Variants in KLRC1 observed in about 807,000 individuals in gnomAD.
KLRC1 encodes the protein killer cell lectin like receptor C1.
A neutral mutation model predicts 25.9 loss-of-function variants in KLRC1; 22 were observed. That is an observed-to-expected ratio of 0.85 (90% CI 0.61 to 1.21). KLRC1 has a LOEUF of 1.21. KLRC1 is among the 50% of genes most tolerant of loss of function. KLRC1 has a pLI of 0.00. For missense variants in KLRC1, 240 were observed against 272.2 expected, an observed-to-expected ratio of 0.88 and a Z score of 0.83; for synonymous variants, 77 against 93.1, an observed-to-expected ratio of 0.83 and a Z score of 0.99.
chr12:10,451,223 TTA>T (rs1304621480), intron 1 of KLRC1, 36 bp from the exon 2 acceptor site: 6 of 1,339,534 alleles, frequency 4.5e-6, no homozygotes, highest in Non-Finnish European at 6.0e-6. Flanking sequence ...AATAAATGGT[TTA>T]TATACAGGAT....
At chr12:10,444,744 A>C (rs983558887), downstream of KLRC1, among the ~76,000 whole-genome samples, 4 of 152,134 alleles carry the variant, frequency 2.6e-5, no homozygotes, top group Admixed American at 2.6e-4. Flanking sequence ...AAAATAAAGC[A>C]GTACGCTCAA....
chr12:10,447,695 A>G (rs1459748744), intron 5 of KLRC1, 63 bp from the exon 6 acceptor site: 2 of 1,372,262 alleles, frequency 1.5e-6, no homozygotes, highest in Admixed American at 4.4e-5. Context: ...AAAACAATAT[A>G]TTAAATTTGA....
downstream of KLRC1, among the ~76,000 whole-genome samples, chr12:10,445,181 G>A (rs1863961116): frequency 6.6e-6 from 1 of 151,970 alleles, no homozygotes. Context: ...GTCTCCCAAA[G>A]TGCTGGGATT....
intron 6 of KLRC1, 27 bp downstream of exon 6, chr12:10,447,505 T>TA: frequency 6.7e-7 from 1 of 1,499,616 alleles, no homozygotes; most frequent in Non-Finnish European, 9.2e-7. Context: ...TATATATTGT[T>TA]ATATAGCGCC....
downstream of KLRC1, among the ~76,000 whole-genome samples, chr12:10,444,955 C>G (rs1213595485): frequency 2.3e-5 from 3 of 129,684 alleles, no homozygotes; most frequent in South Asian, 4.9e-4. Flanking sequence ...GAGTCTCCCT[C>G]TGTCGCCAGG....
chr12:10,447,040 A>G (rs1162256015), intron 6 of KLRC1, among the ~76,000 whole-genome samples: 1 of 152,228 alleles, frequency 6.6e-6, no homozygotes, highest in Non-Finnish European at 1.5e-5. Context: ...TGCTTTGAGG[A>G]TATTCTTAAG....
downstream of KLRC1, among the ~76,000 whole-genome samples, chr12:10,443,007 G>A (rs61917689): frequency 0.19 from 20,034 of 102,952 alleles, 3,422 homozygotes; most frequent in Non-Finnish European, 0.27. Flanking sequence ...ATAGTGGAAG[G>A]GTAGTAGTAG....
downstream of KLRC1, among the ~76,000 whole-genome samples, chr12:10,443,211 C>CAA (rs1863933749): frequency 2.1e-5 from 3 of 141,494 alleles, 1 homozygote; most frequent in Non-Finnish European, 4.6e-5. Context: ...ACCATTTTTA[C>CAA]ATGATGTCAT....
intron 4 of KLRC1, 22 bp from the exon 5 acceptor site, chr12:10,449,410 T>C: frequency 6.2e-7 from 1 of 1,600,614 alleles, no homozygotes; most frequent in Non-Finnish European, 8.5e-7. Context: ...TATGAATTAC[T>C]ATCTAGACCA....
rs1863977131 is a variant in KLRC1 at position 10,446,029 on chromosome 12, T to G, written c.*522A>C. ...GTCACAAATAATCCCAGGAGAGGCTTTTTTTTTTTTTCTGGATAGCTTTAT... is the reference window on the plus strand; with the variant it reads ...GTCACAAATAATCCCAGGAGAGGCTGTTTTTTTTTTTCTGGATAGCTTTAT... On this transcript the variant is annotated 3_prime_UTR_variant, in exon 7 of 7. Coordinates refer to ENST00000359151, the MANE Select transcript of KLRC1 (RefSeq NM_002259.5). 8.1e-6 allele frequency: 1 copy of G among 122,878 alleles called. No individual in the cohort carries two copies. The highest frequency in any genetic ancestry group is 1.5e-5 in the Non-Finnish European group (1 of 66,066). 7.6% of individuals were successfully genotyped at this position (122,878 alleles called of 1,614,324 possible).
downstream of KLRC1, among the ~76,000 whole-genome samples, chr12:10,443,308 A>C (rs1452319565): frequency 7.1e-6 from 1 of 140,652 alleles, no homozygotes; most frequent in Non-Finnish European, 1.6e-5. Context: ...ATTAAAATTA[A>C]AATATTTAAA....
downstream of KLRC1, chr12:10,445,881 C>T (rs1349586275): frequency 6.6e-6 from 1 of 151,854 alleles, no homozygotes; most frequent in Admixed American, 6.6e-5. Context: ...CCCCAAAATA[C>T]AAAATACAAT....
At chr12:10,448,867 G>T (rs1864057946) in intron 5 of KLRC1, among the ~76,000 whole-genome samples, 1 of 152,116 alleles carries the variant, frequency 6.6e-6, no homozygotes, top group Non-Finnish European at 1.5e-5. Flanking sequence ...GCATACACAG[G>T]GGTGGAACTA....
At position 10,446,414 on chromosome 12, in the gene KLRC1, G is replaced by A. The variant is rs558868300; in HGVS notation, c.*137C>T. 42 of 1,435,830 alleles carry A rather than the reference G, an allele frequency of 2.9e-5. No individual in the cohort carries two copies. Among genetic ancestry groups the A allele is most frequent in the Middle Eastern group, 2.6e-4 (1 of 3,854 alleles). 88.9% of individuals were successfully genotyped at this position (1,435,830 alleles called of 1,614,324 possible). A position where few individuals can be genotyped will look rare whatever the true frequency, so the allele number is the denominator to read the frequency against. ...GTACTTTAGTAATTGTGTGTATCCT[G>A]TTTCAATAATTGATTTAGAATTTTC... On this transcript the variant is annotated 3_prime_UTR_variant, in exon 7 of 7. Coordinates refer to ENST00000359151, the MANE Select transcript of KLRC1 (RefSeq NM_002259.5).
intron 1 of KLRC1, among the ~76,000 whole-genome samples, chr12:10,452,830 T>C (rs550468454): frequency 1.8e-4 from 28 of 152,310 alleles, no homozygotes; most frequent in African/African-American, 6.7e-4. Flanking sequence ...TTTCATCAAT[T>C]GATTGATTTA....
At chr12:10,450,453 T>A in intron 3 of KLRC1, 31 bp downstream of exon 3, 1 of 1,240,702 alleles carries the variant, frequency 8.1e-7, no homozygotes, top group Non-Finnish European at 1.2e-6. Context: ...AACGTGAAAA[T>A]TCCCCTTGTA....
intron 4 of KLRC1, 139 bp from the exon 5 acceptor site, chr12:10,449,527 C>T (rs1329663802): frequency 1.4e-6 from 2 of 1,413,946 alleles, no homozygotes; most frequent in East Asian, 2.4e-5. Flanking sequence ...TATATAGTGT[C>T]AAAATACCCA....
At chr12:10,449,028 T>C (rs1442213408) in intron 5 of KLRC1, among the ~76,000 whole-genome samples, 1 of 152,174 alleles carries the variant, frequency 6.6e-6, no homozygotes, top group East Asian at 1.9e-4. Context: ...GAAGCATGGT[T>C]TTCCATGAAA....
At chr12:10,454,055 G>T (rs974934433), upstream of KLRC1, among the ~76,000 whole-genome samples, 5 of 152,130 alleles carry the variant, frequency 3.3e-5, no homozygotes, top group African/African-American at 7.2e-5. Context: ...GACTTTCATA[G>T]AAATATTTAG....
Sources: allele counts gnomAD v4.1 joint callset (sites outside exome capture counted in the v4.1 genomes callset), GRCh38; gene constraint gnomAD v4.1.1; transcripts MANE v1.5; gene names NCBI Gene and HGNC (gene_info 2026-07-23, HGNC 2026-07-21).